Variants in MIGA1 observed in about 807,000 individuals in gnomAD.
MIGA1 encodes mitoguardin 1.
A neutral mutation model predicts 82.0 loss-of-function variants in MIGA1; 58 were observed. The ratio of observed to expected loss-of-function variants is 0.71; its 90% CI spans 0.57 to 0.88. The LOEUF (loss-of-function observed/expected upper bound fraction) is 0.88, where lower values mean the gene tolerates loss of function less well. MIGA1 is among the 40% of genes least tolerant of loss of function. The pLI is 0.00. For synonymous variants in MIGA1, 249 were observed against 253.6 expected, an observed-to-expected ratio of 0.98 and a Z score of 0.17; for missense variants, 751 against 749.1, an observed-to-expected ratio of 1.00 and a Z score of -0.03.
At chr1:77,798,730 C>G (rs1479045764) in intron 2 of MIGA1, among the ~76,000 whole-genome samples, 2 of 152,214 alleles carry the variant, frequency 1.3e-5, no homozygotes, top group Admixed American at 1.3e-4. Context: ...CAAAGATACT[C>G]TCATTGGATT....
intron 7 of MIGA1, among the ~76,000 whole-genome samples, chr1:77,836,562 A>G (rs1475581681): frequency 6.6e-6 from 1 of 152,226 alleles, no homozygotes; most frequent in Non-Finnish European, 1.5e-5. Flanking sequence ...AATAGAAAAA[A>G]TTATTTTATA....
Position 77,861,173 on chromosome 1 carries a change from G to A in MIGA1, c.1276-51G>A, listed in dbSNP as rs1271927102. 5 of 1,142,462 alleles carry A rather than the reference G, an allele frequency of 4.4e-6. No homozygotes were observed. The Admixed American group carries it at 9.5e-5, about 22-fold the overall frequency. 70.8% of individuals were successfully genotyped at this position (1,142,462 alleles called of 1,614,324 possible). ...ACTTATTTGAAGAGTAACTTTCTTT[G>A]TAGCTTGTTATAAAGTTGAGTTTAG... On this transcript the variant is annotated intron_variant, in intron 11 of 15. Coordinates refer to ENST00000370791, the MANE Select transcript of MIGA1 (RefSeq NM_198549.4).
intron 7 of MIGA1, among the ~76,000 whole-genome samples, chr1:77,826,518 T>C (rs1469369877): frequency 6.6e-6 from 1 of 152,166 alleles, no homozygotes; most frequent in East Asian, 1.9e-4. Context: ...CTCTGTTGCT[T>C]GGGCTAGAAT....
intron 8 of MIGA1, among the ~76,000 whole-genome samples, chr1:77,850,646 T>C (rs1437415645): frequency 6.6e-6 from 1 of 152,172 alleles, no homozygotes; most frequent in Non-Finnish European, 1.5e-5. Context: ...TAAAAAATAT[T>C]ACTTCAAATT....
At chr1:77,829,109 A>T (rs1260247271) in intron 7 of MIGA1, among the ~76,000 whole-genome samples, 1 of 151,792 alleles carries the variant, frequency 6.6e-6, no homozygotes, top group African/African-American at 2.4e-5. Context: ...TTTGTTTTTC[A>T]TATTTAGGTC....
chr1:77,814,189 C>CAA (rs1683485321), intron 6 of MIGA1, among the ~76,000 whole-genome samples: 1 of 152,122 alleles, frequency 6.6e-6, no homozygotes, highest in Non-Finnish European at 1.5e-5. Flanking sequence ...GGTGCTGACC[C>CAA]AAAGTATTTT....
In MIGA1 at chr1:77,858,077, G is replaced by A. The variant is rs145197473; in HGVS notation, c.997-861G>A. Among the ~76,000 whole-genome samples the A allele has an allele frequency of 5.1e-4, 77 of 152,136 alleles. 1 individual carries two copies. Among genetic ancestry groups the A allele is most frequent in the African/African-American group, 1.8e-3 (75 of 41,504 alleles). On this transcript the variant is annotated intron_variant, in intron 8 of 15. Coordinates refer to ENST00000370791, the MANE Select transcript of MIGA1 (RefSeq NM_198549.4). ...TAAGATACAGTATTGCTGGCCAGAC[G>A]CGGTGGCTGACGCCTGAATGCCAGT...
intron 2 of MIGA1, among the ~76,000 whole-genome samples, chr1:77,795,502 T>G (rs1682615572): frequency 6.6e-6 from 1 of 151,946 alleles, no homozygotes; most frequent in Admixed American, 6.6e-5. Flanking sequence ...CCCTGCCAAT[T>G]TTTGTATTTT....
chr1:77,851,117 C>A (rs111918859), intron 8 of MIGA1, among the ~76,000 whole-genome samples: 3 of 152,272 alleles, frequency 2.0e-5, no homozygotes, highest in African/African-American at 7.2e-5. Flanking sequence ...ATGATCCACC[C>A]ACCTCCGCCT....
intron 7 of MIGA1, among the ~76,000 whole-genome samples, chr1:77,833,132 A>G (rs1298029865): frequency 6.6e-6 from 1 of 152,210 alleles, no homozygotes; most frequent in African/African-American, 2.4e-5. Flanking sequence ...ATCAAATGTC[A>G]GCCCCAAGTT....
chr1:77,807,646 C>T (rs997827232), intron 5 of MIGA1, among the ~76,000 whole-genome samples: 2 of 152,070 alleles, frequency 1.3e-5, no homozygotes, highest in African/African-American at 4.8e-5. Flanking sequence ...GGGCTGAAAT[C>T]AATATGTCAG....
intron 7 of MIGA1, among the ~76,000 whole-genome samples, chr1:77,828,919 G>A (rs1037338025): frequency 2.6e-5 from 4 of 152,010 alleles, no homozygotes; most frequent in Non-Finnish European, 4.4e-5. Flanking sequence ...TCAAGTGGTC[G>A]TCCTGCCTCA....
chr1:77,821,476 ATC>A (rs1397144204), intron 7 of MIGA1, among the ~76,000 whole-genome samples: 3 of 151,498 alleles, frequency 2.0e-5, no homozygotes, highest in Non-Finnish European at 4.4e-5. Context: ...GCTCACCGCA[ATC>A]TCTGCCTCCT....
rs200717428 is a variant in MIGA1, at chr1:77,783,004, C to A, written c.82-234C>A. On this transcript the variant is annotated intron_variant, in intron 1 of 15. Transcript: ENST00000370791. ...ACCCGGACTCAAAGTTTAAATCTAG[C>A]TTTTTTTTTTTTTTAACTTCTTATT... 90 of 281,714 alleles carry A rather than the reference C, an allele frequency of 3.2e-4. No homozygotes were observed. The South Asian group carries it at 9.3e-3, about 29-fold the overall frequency. 17.5% of individuals were successfully genotyped at this position (281,714 alleles called of 1,614,324 possible).
intron 7 of MIGA1, among the ~76,000 whole-genome samples, chr1:77,823,766 T>A (rs1683926445): frequency 6.6e-6 from 1 of 152,156 alleles, no homozygotes; most frequent in South Asian, 2.1e-4. Flanking sequence ...GGGTCTCACT[T>A]TGTTGTCTAG....
At chr1:77,870,791 A>G (rs1359826616) in intron 14 of MIGA1, among the ~76,000 whole-genome samples, 1 of 150,764 alleles carries the variant, frequency 6.6e-6, no homozygotes, top group Non-Finnish European at 1.5e-5. Flanking sequence ...CAGCCTGGGC[A>G]CCATTGAGCA....
chr1:77,844,109 A>ATAT (rs1172674928), intron 8 of MIGA1, among the ~76,000 whole-genome samples: 3 of 51,960 alleles, frequency 5.8e-5, no homozygotes, highest in African/African-American at 1.4e-4. Flanking sequence ...TTAAAAAAAA[A>ATAT]AAAAATATAT....
intron 5 of MIGA1, chr1:77,811,497 T>C (rs931098322): frequency 1.3e-6 from 2 of 1,555,264 alleles, no homozygotes; most frequent in African/African-American, 1.4e-5. Context: ...TTAGGATTGG[T>C]TCTAGCTTCT....
In MIGA1 at chr1:77,866,374, A is replaced by G; in HGVS notation, c.1546A>G (p.Lys516Glu). The change falls in exon 14 of 16, where the codon AAA becomes GAA. Residue 516 changes from lysine to glutamate, a missense_variant. Coordinates refer to ENST00000370791, the MANE Select transcript of MIGA1 (RefSeq NM_198549.4). Reference sequence around the variant, plus strand: ...AAGTTGTTGGTCGGTGCTGAAACAGAAAAGACAACAGATGAAGGTAAAATT... The same window carrying G: ...AAGTTGTTGGTCGGTGCTGAAACAGGAAAGACAACAGATGAAGGTAAAATT... The G allele has an allele frequency of 6.2e-7, 1 of 1,614,076 alleles. No individual in the cohort carries two copies. The highest frequency in any genetic ancestry group is 1.1e-5 in the South Asian group (1 of 91,076).
Sources: allele counts gnomAD v4.1 joint callset (sites outside exome capture counted in the v4.1 genomes callset), GRCh38; gene constraint gnomAD v4.1.1; transcripts MANE v1.5; gene names NCBI Gene and HGNC (gene_info 2026-07-23, HGNC 2026-07-21).